Variants in SLC60A2 observed in about 807,000 individuals in gnomAD.
SLC60A2 encodes solute carrier family 60 member 2.
the SLC60A2 span, chr6:111,263,799 A>AT: frequency 1.6e-6 from 2 of 1,224,256 alleles, no homozygotes; most frequent in Non-Finnish European, 2.4e-6. Context: ...CATGGATATT[A>AT]TTTTTTATAG....
At chr6:111,262,238 T>C in the SLC60A2 span, 8 of 1,600,652 alleles carry the variant, frequency 5.0e-6, no homozygotes, top group East Asian at 2.2e-5. Flanking sequence ...GTAAAAACTT[T>C]TGTCTTTTTA....
At chr6:111,262,940 T>C in the SLC60A2 span, among the ~76,000 whole-genome samples, 1 of 146,330 alleles carries the variant, frequency 6.8e-6, no homozygotes, top group Non-Finnish European at 1.5e-5. Flanking sequence ...GCAAAGCTGC[T>C]TTTTTTTTTT....
At chr6:111,272,022 C>T in the SLC60A2 span, among the ~76,000 whole-genome samples, 1 of 152,114 alleles carries the variant, frequency 6.6e-6, no homozygotes, top group African/African-American at 2.4e-5. Flanking sequence ...CACTCAGTCC[C>T]CAATCCTGCT....
the SLC60A2 span, among the ~76,000 whole-genome samples, chr6:111,264,836 A>G: frequency 4.6e-5 from 7 of 150,846 alleles, no homozygotes; most frequent in African/African-American, 1.2e-4. Context: ...GCTTACGCCT[A>G]TAATCCTAGC....
chr6:111,277,116 G>T, the SLC60A2 span, among the ~76,000 whole-genome samples: 1 of 152,230 alleles, frequency 6.6e-6, no homozygotes, highest in South Asian at 2.1e-4. Context: ...CCACCACTCT[G>T]CATGCAGGAG....
chr6:111,266,138 C>T, the SLC60A2 span: 2 of 1,613,592 alleles, frequency 1.2e-6, no homozygotes, highest in Admixed American at 3.3e-5. Flanking sequence ...TCGGTACTTA[C>T]ATGTTCTTAG....
chr6:111,259,600 AGGCGGAGGCCCC>A, the SLC60A2 span: 2 of 1,330,740 alleles, frequency 1.5e-6, no homozygotes, highest in East Asian at 5.4e-5. Flanking sequence ...CGGCTCCTGC[AGGCGGAGGCCCC>A]GGCGGAGAAT....
the SLC60A2 span, chr6:111,266,543 A>G: frequency 2.5e-6 from 4 of 1,614,164 alleles, no homozygotes; most frequent in Non-Finnish European, 3.4e-6. Flanking sequence ...TAGCAACTTC[A>G]GTGTATGGGG....
chr6:111,274,295 A>AT, the SLC60A2 span, among the ~76,000 whole-genome samples: 11 of 152,078 alleles, frequency 7.2e-5, no homozygotes, highest in Non-Finnish European at 1.3e-4. Flanking sequence ...GATATAGTCT[A>AT]TTTTATCTAA....
chr6:111,268,773 A>C, the SLC60A2 span: 4 of 152,346 alleles, frequency 2.6e-5, no homozygotes, highest in East Asian at 7.7e-4. Context: ...AGTGATTGGA[A>C]TACTTGTGTC....
At chr6:111,270,452 G>C in the SLC60A2 span, 40 of 152,324 alleles carry the variant, frequency 2.6e-4, no homozygotes, top group South Asian at 8.3e-4. Flanking sequence ...GGAAGCTGGG[G>C]TGGAAGTATC....
At chr6:111,266,850 T>G in the SLC60A2 span, 1 of 1,613,980 alleles carries the variant, frequency 6.2e-7, no homozygotes, top group Non-Finnish European at 8.5e-7. Flanking sequence ...AGCTCTGCTC[T>G]CTAGCTCCGG....
chr6:111,267,172 C>A, the SLC60A2 span: 2 of 1,483,010 alleles, frequency 1.3e-6, no homozygotes, highest in South Asian at 2.6e-5. Context: ...TCTAAGGACG[C>A]CATTCAGAGC....
At chr6:111,273,300 T>A in the SLC60A2 span, among the ~76,000 whole-genome samples, 1 of 152,052 alleles carries the variant, frequency 6.6e-6, no homozygotes, top group African/African-American at 2.4e-5. Context: ...CAGGTGTCAC[T>A]ATGCTTATTA....
chr6:111,265,890 A>T, the SLC60A2 span: 2 of 1,609,606 alleles, frequency 1.2e-6, no homozygotes, highest in Non-Finnish European at 1.7e-6. Flanking sequence ...TAACGTCCTT[A>T]TCTTGGCTAT....
chr6:111,272,589 G>A, the SLC60A2 span, among the ~76,000 whole-genome samples: 3 of 146,136 alleles, frequency 2.1e-5, no homozygotes, highest in Non-Finnish European at 4.5e-5. Flanking sequence ...TCTGCTCACT[G>A]CAACCTCTGT....
the SLC60A2 span, among the ~76,000 whole-genome samples, chr6:111,274,924 T>C: frequency 3.3e-5 from 5 of 152,182 alleles, no homozygotes; most frequent in Admixed American, 3.3e-4. Flanking sequence ...TTTATTTATT[T>C]CATTTTAATT....
chr6:111,266,784 G>A, the SLC60A2 span: 1 of 1,614,014 alleles, frequency 6.2e-7, no homozygotes, highest in African/African-American at 1.3e-5. Flanking sequence ...ATATAAATTA[G>A]CCACTTCACC....
chr6:111,277,635 C>T, the SLC60A2 span, among the ~76,000 whole-genome samples: 19 of 152,236 alleles, frequency 1.2e-4, no homozygotes, highest in Non-Finnish European at 1.3e-4. Context: ...TTTCTATCAG[C>T]GGAAGAGCCA....
Sources: gnomAD v4.1 joint callset for allele counts (sites outside exome capture counted in the v4.1 genomes callset) on GRCh38, gnomAD v4.1.1 for gene constraint, MANE v1.5 for transcripts, NCBI Gene and HGNC (gene_info 2026-07-23, HGNC 2026-07-21) for gene names.